Variants in TFRC observed in about 807,000 individuals in gnomAD.
The protein encoded by TFRC is transferrin receptor protein 1.
Under a neutral mutation model 85.8 loss-of-function variants are expected in TFRC, and 35 were observed. The observed-to-expected ratio is 0.41, with a 90% CI of 0.31 to 0.54. The LOEUF (loss-of-function observed/expected upper bound fraction) is 0.54. Among genes scored for constraint, TFRC ranks in the 20% least tolerant of loss-of-function variants. The pLI is 0.31. For synonymous variants in TFRC, 362 were observed against 328.6 expected (o/e 1.10, Z -1.10); for missense variants, 828 against 921.5 (o/e 0.90, Z 1.31).
At chr3:196,061,516 G>C (rs1239936903) in intron 13 of TFRC, among the ~76,000 whole-genome samples, 1 of 151,972 alleles carries the variant, frequency 6.6e-6, no homozygotes, top group African/African-American at 2.4e-5. Flanking sequence ...TTGAGATGGA[G>C]TCTCGCTCTG....
In TFRC at chr3:196,055,218, T is replaced by C. The variant is rs1716674389; in HGVS notation, c.1761A>G (p.Ala587=). The C allele has an allele frequency of 6.2e-7, 1 of 1,614,214 alleles. No homozygotes were observed. The highest frequency in any genetic ancestry group is 8.5e-7 in the Non-Finnish European group (1 of 1,180,032). ...GACCAGCGACCTCTGCAGCTGCTCG[T>C]GCCACTTTGTTCAACTCAGGAATCC... is the stretch of plus-strand genomic sequence containing the variant. ...IERIPELNKV[A]RAAAEVAGQF... is the part of the protein sequence containing the mutation. Residue 587 remains alanine, a synonymous_variant, in exon 17 of 19, where the codon GCA becomes GCG. Transcript: ENST00000360110.
intron 5 of TFRC, 47 bp downstream of exon 5, chr3:196,071,956 G>T: frequency 6.3e-7 from 1 of 1,587,630 alleles, no homozygotes; most frequent in South Asian, 1.1e-5. Context: ...TAGCACACCT[G>T]AAAATAGCTA....
At chr3:196,067,712 G>A in intron 8 of TFRC, 55 bp from the exon 9 acceptor site, 1 of 1,586,492 alleles carries the variant, frequency 6.3e-7, no homozygotes, top group Non-Finnish European at 8.6e-7. Flanking sequence ...AAACTTCTCT[G>A]TAAGATTCAG....
intron 4 of TFRC, among the ~76,000 whole-genome samples, chr3:196,073,100 A>G: frequency 6.6e-6 from 1 of 150,454 alleles, no homozygotes; most frequent in East Asian, 1.9e-4. Context: ...CAAGCCTGTG[A>G]TCTCAGCTAC....
At position 196,053,434 on chromosome 3, in the gene TFRC, T is replaced by C. The variant is rs141608481; in HGVS notation, c.2024A>G (p.Asn675Ser). The C allele has an allele frequency of 2.9e-5, 47 of 1,614,106 alleles. No individual in the cohort carries two copies. The highest frequency in any genetic ancestry group is 1.6e-4 in the Middle Eastern group (1 of 6,084). ...TTCACTTACTCTCATGACACGATCA[T>C]TGAGTTTCTTCATGACAAATCTGTC... ...KTDRFVMKKLNDRVMRVEYHF... is the reference protein window; with the variant it reads ...KTDRFVMKKLSDRVMRVEYHF... Residue 675 changes from asparagine (N) to serine (S), a missense_variant, in exon 18 of 19, where the codon AAT (asparagine) becomes AGT (serine). Transcript: ENST00000360110.
chr3:196,057,829 C>G (rs1160104498), intron 16 of TFRC: 1 of 147,302 alleles, frequency 6.8e-6, no homozygotes, highest in Non-Finnish European at 1.5e-5. Context: ...AAAAACCCAA[C>G]AACTAAGATA....
intron 16 of TFRC, among the ~76,000 whole-genome samples, chr3:196,056,902 A>G (rs1340672361): frequency 6.6e-6 from 1 of 151,818 alleles, no homozygotes; most frequent in African/African-American, 2.4e-5. Context: ...GCTCACTGCA[A>G]CCTCTGCCTC....
At chr3:196,053,041 G>A (rs980599108) in intron 18 of TFRC, among the ~76,000 whole-genome samples, 2 of 151,942 alleles carry the variant, frequency 1.3e-5, no homozygotes, top group Non-Finnish European at 2.9e-5. Context: ...TTGAACCTGG[G>A]AGGTGGAGGG....
Position 196,072,131 on chromosome 3 carries a change from A to T in TFRC, c.456T>A (p.Tyr152Ter), listed in dbSNP as rs141028456. Residue 152 changes from tyrosine to a stop codon, truncating the protein, a stop_gained, in exon 5 of 19, where the codon TAT (tyrosine) becomes TAA (stop). Coordinates refer to ENST00000360110, the MANE Select transcript of TFRC (RefSeq NM_001128148.3). LOFTEE classifies it high-confidence loss of function. ...TTTGAGATCCAGCCTCACGAGGGAC[A>T]TATGAATTTTCATTCAGCAGCCTGG... is the stretch of plus-strand genomic sequence containing the variant. ...GTIKLLNENS[Y>*]VPREAGSQKD... 1 of 1,613,388 alleles carries T rather than the reference A, an allele frequency of 6.2e-7. No individual in the cohort carries two copies. Among genetic ancestry groups the T allele is most frequent in the Non-Finnish European group, 8.5e-7 (1 of 1,179,864 alleles).
intron 4 of TFRC, 29 bp downstream of exon 4, chr3:196,073,901 T>C: frequency 6.3e-7 from 1 of 1,597,688 alleles, no homozygotes; most frequent in Non-Finnish European, 8.5e-7. Flanking sequence ...ATTACTTGTC[T>C]AGATACTTGC....
intron 6 of TFRC, 22 bp downstream of exon 6, chr3:196,071,374 T>G: frequency 6.3e-7 from 1 of 1,579,182 alleles, no homozygotes; most frequent in Non-Finnish European, 8.7e-7. Flanking sequence ...AAGAGTCTCA[T>G]GCACTGTTTT....
At chr3:196,073,843 CCA>C (rs1291190697) in intron 4 of TFRC, 85 bp downstream of exon 4, 7 of 1,365,226 alleles carry the variant, frequency 5.1e-6, no homozygotes, top group Non-Finnish European at 6.9e-6. Flanking sequence ...AAGCCATTCC[CCA>C]CAGTGTCACC....
rs1716335607 is a variant in TFRC at position 196,051,861 on chromosome 3, C to G, written c.*81G>C. On this transcript the variant is annotated 3_prime_UTR_variant, in exon 19 of 19. Transcript: ENST00000360110. The stretch of plus-strand genomic sequence containing the variant: ...AATTTTAACATCAGGTTTTGTAGCC[C>G]TACTGAAAATTTAGCACGATCAGCA... 6.6e-7 allele frequency: 1 copy of G among 1,513,018 alleles called. No homozygotes were observed. The highest frequency in any genetic ancestry group is 8.9e-7 in the Non-Finnish European group (1 of 1,118,868). 93.7% of individuals were successfully genotyped at this position (1,513,018 alleles called of 1,614,324 possible).
At chr3:196,067,882 A>T in intron 8 of TFRC, 150 bp downstream of exon 8, 1 of 745,940 alleles carries the variant, frequency 1.3e-6, no homozygotes, top group Non-Finnish European at 2.1e-6. Context: ...TAAAGCCTCA[A>T]AGTCAATGTA....
chr3:196,063,142 A>AT (rs1241362396), intron 11 of TFRC: 190 of 509,136 alleles, frequency 3.7e-4, no homozygotes, highest in East Asian at 5.1e-4. Flanking sequence ...AATAGGAATA[A>AT]TTTTTTTTAA....
In TFRC at chr3:196,049,337, A is replaced by AT. The variant is rs1467176391; in HGVS notation, c.*2604dup. 2 of 190,688 alleles carry AT rather than the reference A, an allele frequency of 1.0e-5. No homozygotes were observed. Among genetic ancestry groups the AT allele is most frequent in the African/African-American group, 4.7e-5 (2 of 42,962 alleles). 11.8% of individuals were successfully genotyped at this position (190,688 alleles called of 1,614,324 possible). ...ACAAGGAATCTCCACACTGTTGCAC[A>AT]TAACAGCTTTTATACAATGATAAGG... is the stretch of plus-strand genomic sequence containing the variant. On this transcript the variant is annotated 3_prime_UTR_variant, in exon 19 of 19. Coordinates refer to ENST00000360110, the MANE Select transcript of TFRC (RefSeq NM_001128148.3).
At chr3:196,055,051 A>G (rs756417106) in intron 17 of TFRC, 29 bp downstream of exon 17, 22 of 1,604,218 alleles carry the variant, frequency 1.4e-5, no homozygotes, top group Non-Finnish European at 6.0e-6. Context: ...ATTCAGCAAA[A>G]TAAAAACGTA....
chr3:196,053,287 C>G, intron 18 of TFRC, 131 bp downstream of exon 18: 1 of 996,026 alleles, frequency 1.0e-6, no homozygotes. Context: ...CAGAAAATGA[C>G]AGCTAAACCA....
intron 9 of TFRC, 122 bp downstream of exon 9, chr3:196,067,396 C>A: frequency 2.8e-6 from 3 of 1,065,180 alleles, no homozygotes; most frequent in African/African-American, 1.6e-5. Context: ...AACAGCTAAC[C>A]ATCCTCCAAA....
Sources: gnomAD v4.1 joint callset for allele counts (sites outside exome capture counted in the v4.1 genomes callset) on GRCh38, gnomAD v4.1.1 for gene constraint, MANE v1.5 for transcripts, NCBI Gene and HGNC (gene_info 2026-07-23, HGNC 2026-07-21) for gene names.